Variants in CREB3L2 observed in about 807,000 individuals in gnomAD.
CREB3L2 encodes cyclic AMP-responsive element-binding protein 3-like protein 2.
CREB3L2 carries 23 observed loss-of-function variants against 57.2 expected under a neutral mutation model. That is an observed-to-expected ratio of 0.40 (90% CI 0.29 to 0.57). The LOEUF (loss-of-function observed/expected upper bound fraction) is 0.57. CREB3L2 is among the 20% of genes least tolerant of loss of function. The pLI is 0.42. For synonymous variants in CREB3L2, 268 were observed against 265.1 expected, an observed-to-expected ratio of 1.01 and a Z score of -0.11; for missense variants, 628 against 634.7, an observed-to-expected ratio of 0.99 and a Z score of 0.11.
chr7:137,956,399 T>A (rs1270784635), intron 1 of CREB3L2, among the ~76,000 whole-genome samples: 1 of 152,250 alleles, frequency 6.6e-6, no homozygotes, highest in Non-Finnish European at 1.5e-5. Context: ...GAAAATCGTT[T>A]CGCAGTGTTA....
At chr7:137,953,493 T>A in intron 1 of CREB3L2, 1 of 1,289,028 alleles carries the variant, frequency 7.8e-7, no homozygotes, top group Non-Finnish European at 1.0e-6. Context: ...GCGTCAACCA[T>A]CCCCAACACA....
Position 137,879,217 on chromosome 7 carries a change from T to A in CREB3L2, c.*1259A>T. The A allele has an allele frequency of 1.9e-6, 1 of 534,858 alleles. No homozygotes were observed. Among genetic ancestry groups the A allele is most frequent in the Non-Finnish European group, 3.6e-6 (1 of 275,430 alleles). The allele number at this position is 534,858 out of a possible 1,614,324, so 33.1% of individuals were successfully genotyped here. On this transcript the variant is annotated 3_prime_UTR_variant, in exon 12 of 12. Transcript: ENST00000330387. ...AGTAGGTTGGGGATTAGGTTGTATC[T>A]CTTTGGGCGAGCTGCAAAGTAGCCA...
chr7:137,970,427 C>T lies in CREB3L2; in HGVS notation c.102+31177G>A, dbSNP rs548450527. 4.5e-3 allele frequency among the ~76,000 whole-genome samples: 680 copies of T among 152,292 alleles called. 4 individuals are homozygous for T. Among genetic ancestry groups the T allele is most frequent in the Non-Finnish European group, 4.0e-3 (273 of 68,028 alleles). On this transcript the variant is annotated intron_variant, in intron 1 of 11. Transcript: ENST00000330387. ...CAGATATTGGAATCAATCCAGACAT[C>T]GTATCTTTTAACGAGAGAATGGGGT...
At chr7:137,917,000 C>T (rs1800152001) in intron 2 of CREB3L2, among the ~76,000 whole-genome samples, 1 of 152,074 alleles carries the variant, frequency 6.6e-6, no homozygotes, top group Non-Finnish European at 1.5e-5. Flanking sequence ...TCACTGTGAT[C>T]CCACCTAGCC....
intron 1 of CREB3L2, among the ~76,000 whole-genome samples, chr7:137,990,889 T>C (rs1801881904): frequency 6.6e-6 from 1 of 152,190 alleles, no homozygotes; most frequent in South Asian, 2.1e-4. Flanking sequence ...TAGGAAACTG[T>C]TTGCAGATTT....
intron 1 of CREB3L2, among the ~76,000 whole-genome samples, chr7:137,951,726 T>C (rs1801104419): frequency 6.6e-6 from 1 of 152,194 alleles, no homozygotes; most frequent in South Asian, 2.1e-4. Context: ...CTCATGCCTG[T>C]AACCCCTGCA....
intron 8 of CREB3L2, among the ~76,000 whole-genome samples, chr7:137,886,158 G>A (rs986942043): frequency 5.3e-5 from 8 of 152,272 alleles, no homozygotes; most frequent in East Asian, 1.9e-4. Context: ...AAGTGACCTC[G>A]TTTATTACAT....
rs567949557 is a variant in CREB3L2, at chr7:137,937,194, T to C, written c.103-8828A>G. On this transcript the variant is annotated intron_variant, in intron 1 of 11. Transcript: ENST00000330387. Reference sequence around the variant, plus strand: ...ACTTAAAAATCGTGGCTAGGAGCCTTACCTAGAGCACAGAATGCCTCCCAA... The same window carrying C: ...ACTTAAAAATCGTGGCTAGGAGCCTCACCTAGAGCACAGAATGCCTCCCAA... 2.6e-5 allele frequency among the ~76,000 whole-genome samples: 4 copies of C among 152,320 alleles called. No individual in the cohort carries two copies. In the East Asian group the frequency reaches 5.8e-4, roughly 22 times the overall value.
intron 1 of CREB3L2, among the ~76,000 whole-genome samples, chr7:137,954,465 C>T (rs553331523): frequency 3.3e-5 from 5 of 152,280 alleles, no homozygotes; most frequent in East Asian, 1.9e-4. Context: ...ATAATGGCCA[C>T]GGCTTTCTAT....
intron 1 of CREB3L2, chr7:137,956,772 G>A (rs1342967833): frequency 2.0e-6 from 1 of 509,748 alleles, no homozygotes; most frequent in Non-Finnish European, 3.5e-6. Context: ...ACAGCATAAG[G>A]CCCCACCTAA....
rs1563262197 is a variant in CREB3L2, at chr7:137,946,796, ATATATAGT to A, written c.103-18438_103-18431del. ...TATCTATATAGTTATCTATATAGTT[ATATATAGT>A]TATATATAGTTATCTATATAGTTAT... On this transcript the variant is annotated intron_variant, in intron 1 of 11. Transcript: ENST00000330387. 4.0e-4 allele frequency among the ~76,000 whole-genome samples: 28 copies of A among 69,314 alleles called. 8 individuals are homozygous for A. Among genetic ancestry groups the A allele is most frequent in the Admixed American group, 8.6e-4 (5 of 5,812 alleles). The allele number at this position is 69,314 out of a possible 152,430, so 45.5% of individuals were successfully genotyped here. A position where few individuals can be genotyped will look rare whatever the true frequency, so the allele number is the denominator to read the frequency against.
chr7:137,875,484 T>G lies in CREB3L2; in HGVS notation c.*4992A>C. ...ACAGAGCTAAAACCCCTGGTTTTCC[T>G]TTCCCCAGATGTAAAGCCTGCTAGC... On this transcript the variant is annotated 3_prime_UTR_variant, in exon 12 of 12. Coordinates refer to ENST00000330387, the MANE Select transcript of CREB3L2 (RefSeq NM_194071.4). 2 of 223,608 alleles carry G rather than the reference T, an allele frequency of 8.9e-6. No homozygotes were observed. Among genetic ancestry groups the G allele is most frequent in the Non-Finnish European group, 1.8e-5 (2 of 111,962 alleles). The allele number at this position is 223,608 out of a possible 1,614,324, so 13.9% of individuals were successfully genotyped here.
At chr7:137,938,034 A>C (rs1800820793) in intron 1 of CREB3L2, among the ~76,000 whole-genome samples, 1 of 152,150 alleles carries the variant, frequency 6.6e-6, no homozygotes, top group South Asian at 2.1e-4. Flanking sequence ...AGGAGGAATA[A>C]ATAGGTGGAC....
intron 1 of CREB3L2, among the ~76,000 whole-genome samples, chr7:137,998,511 C>T (rs1802026569): frequency 6.6e-6 from 1 of 152,232 alleles, no homozygotes; most frequent in Admixed American, 6.5e-5. Context: ...CAGGATTCTT[C>T]ACTCAGACAG....
rs1343335985 is a variant in CREB3L2 at position 137,876,657 on chromosome 7, C to T, written c.*3819G>A. 1 of 232,746 alleles carries T rather than the reference C, an allele frequency of 4.3e-6. No individual in the cohort carries two copies. Among genetic ancestry groups the T allele is most frequent in the Non-Finnish European group, 8.5e-6 (1 of 117,858 alleles). The allele number at this position is 232,746 out of a possible 1,614,324, so 14.4% of individuals were successfully genotyped here. ...CCTAGCATGTGTCTATGGATAGTCT[C>T]ACCTGAAGGTGGCCAAATAAAATGA... On this transcript the variant is annotated 3_prime_UTR_variant, in exon 12 of 12. Transcript: ENST00000330387.
At position 138,001,023 on chromosome 7, in the gene CREB3L2, C is replaced by G. The variant is rs1469785159; in HGVS notation, c.102+581G>C. On this transcript the variant is annotated intron_variant, in intron 1 of 11. Coordinates refer to ENST00000330387, the MANE Select transcript of CREB3L2 (RefSeq NM_194071.4). This position sits in a 1 kb window ranked among gnomAD's most constrained non-coding sequence, Gnocchi z 4.2. ...AGAGGGAGGAAGGAGACTTCTTGGT[C>G]GTACAGTTTAAGAAAGCAAATAAAG... Among the ~76,000 whole-genome samples, 2 of 150,400 alleles carry G rather than the reference C, an allele frequency of 1.3e-5. No individual in the cohort carries two copies. Among genetic ancestry groups the G allele is most frequent in the Admixed American group, 6.7e-5 (1 of 15,000 alleles).
intron 6 of CREB3L2, among the ~76,000 whole-genome samples, chr7:137,904,919 C>T (rs1294992644): frequency 6.6e-6 from 1 of 151,790 alleles, no homozygotes; most frequent in Non-Finnish European, 1.5e-5. Flanking sequence ...ATGTGGCTCA[C>T]AAACCATCAG....
chr7:137,908,732 G>C (rs940100537), intron 4 of CREB3L2, among the ~76,000 whole-genome samples: 2 of 152,136 alleles, frequency 1.3e-5, no homozygotes, highest in African/African-American at 4.8e-5. Context: ...CCAGCACTTT[G>C]GGAGGCTGAG....
chr7:137,923,059 T>C (rs556613659), intron 2 of CREB3L2, among the ~76,000 whole-genome samples: 1 of 152,332 alleles, frequency 6.6e-6, no homozygotes, highest in African/African-American at 2.4e-5. Flanking sequence ...ATCTTAACCC[T>C]GAAATAACTT....
Sources: allele counts gnomAD v4.1 joint callset (sites outside exome capture counted in the v4.1 genomes callset), GRCh38; gene constraint gnomAD v4.1.1; non-coding constraint Gnocchi (gnomAD v3.1); transcripts MANE v1.5; gene names NCBI Gene and HGNC (gene_info 2026-07-23, HGNC 2026-07-21).